The following KREMEN1 variants were observed in gnomAD, a reference collection of about 807,000 sequenced individuals.
KREMEN1 encodes the protein kremen protein 1.
In KREMEN1, 30 loss-of-function variants were observed where a neutral mutation model predicts 46.5. The observed-to-expected ratio is 0.65, with a 90% CI of 0.48 to 0.88. KREMEN1 has a LOEUF of 0.88. KREMEN1 is among the 40% of genes least tolerant of loss of function. The pLI, the probability that KREMEN1 is intolerant of heterozygous loss-of-function variation, is 0.00. For synonymous variants in KREMEN1, 214 were observed against 230.6 expected (o/e 0.93, Z 0.65); for missense variants, 533 against 596.9 (o/e 0.89, Z 1.11).
chr22:29,098,731 C>T (rs1044626426), intron 2 of KREMEN1, 131 bp from the exon 3 acceptor site: 4 of 667,212 alleles, frequency 6.0e-6, no homozygotes, highest in Admixed American at 2.5e-5. Context: ...TGAGAGATGG[C>T]ACTGAGATAC....
rs750903841 is a variant in KREMEN1 at position 29,138,623 on chromosome 22, G to A, written c.965-1G>A. 9 of 1,614,094 alleles carry A rather than the reference G, an allele frequency of 5.6e-6. No individual in the cohort carries two copies. Among genetic ancestry groups the A allele is most frequent in the Non-Finnish European group, 7.6e-6 (9 of 1,179,968 alleles). ...CCAGTTAATTGCTTTTTCTCTTCCAGCCGTCAAGGAAGAACTGCCACAGGA... is the reference window on the plus strand; with the variant it reads ...CCAGTTAATTGCTTTTTCTCTTCCAACCGTCAAGGAAGAACTGCCACAGGA... On this transcript the variant is annotated splice_acceptor_variant, in intron 6 of 8. Coordinates refer to ENST00000400335, the MANE Select transcript of KREMEN1 (RefSeq NM_001039570.3). LOFTEE classifies it high-confidence loss of function.
chr22:29,131,389 G>C (rs1462096540), intron 5 of KREMEN1, among the ~76,000 whole-genome samples: 1 of 149,906 alleles, frequency 6.7e-6, no homozygotes, highest in Admixed American at 6.7e-5. Flanking sequence ...TACTTCAGTG[G>C]GATTTGACAA....
chr22:29,138,547 A>G (rs537501488), intron 6 of KREMEN1, 77 bp from the exon 7 acceptor site: 1 of 1,408,852 alleles, frequency 7.1e-7, no homozygotes, highest in South Asian at 1.2e-5. Context: ...TCTTCTTCAT[A>G]ACTCGTGCTC....
At chr22:29,155,686 C>T (rs942533439) in intron 9 of KREMEN1, among the ~76,000 whole-genome samples, 25 of 152,172 alleles carry the variant, frequency 1.6e-4, no homozygotes, top group Admixed American at 3.9e-4. Context: ...AGGCTGGGCC[C>T]GGTGGCTCAC....
chr22:29,166,143 A>G (rs1308840267), intron 9 of KREMEN1, among the ~76,000 whole-genome samples: 1 of 152,048 alleles, frequency 6.6e-6, no homozygotes, highest in East Asian at 1.9e-4. Flanking sequence ...CACGCCCACC[A>G]TAACATGCAC....
At chr22:29,152,959 C>T (rs975813603) in intron 9 of KREMEN1, among the ~76,000 whole-genome samples, 5 of 152,150 alleles carry the variant, frequency 3.3e-5, no homozygotes, top group East Asian at 1.9e-4. Flanking sequence ...AGTAGACTTA[C>T]GGTTATTTCT....
At chr22:29,110,810 A>G (rs2038135291) in intron 3 of KREMEN1, among the ~76,000 whole-genome samples, 1 of 152,214 alleles carries the variant, frequency 6.6e-6, no homozygotes, top group South Asian at 2.1e-4. Flanking sequence ...CAGATTTGGA[A>G]CGGAAGTTGC....
intron 5 of KREMEN1, among the ~76,000 whole-genome samples, chr22:29,130,216 C>A (rs1208260529): frequency 2.0e-5 from 3 of 152,188 alleles, no homozygotes; most frequent in Non-Finnish European, 4.4e-5. Flanking sequence ...GTTCAGTAAT[C>A]TGCCCAAGGT....
intron 3 of KREMEN1, among the ~76,000 whole-genome samples, chr22:29,117,521 G>GGCAC: frequency 6.6e-6 from 1 of 151,600 alleles, no homozygotes; most frequent in African/African-American, 2.4e-5. Flanking sequence ...GAGCCAAGAT[G>GGCAC]GCACCACTGC....
intron 4 of KREMEN1, among the ~76,000 whole-genome samples, chr22:29,122,635 G>A (rs972569492): frequency 2.6e-5 from 4 of 151,990 alleles, no homozygotes; most frequent in African/African-American, 7.3e-5. Context: ...GCAATAAAAC[G>A]AAGAGACATA....
Position 29,073,999 on chromosome 22 carries a change from C to G in KREMEN1, c.97+772C>G, listed in dbSNP as rs914241390. 2.0e-4 allele frequency among the ~76,000 whole-genome samples: 30 copies of G among 152,232 alleles called. No homozygotes were observed. Among genetic ancestry groups the G allele is most frequent in the African/African-American group, 7.2e-4 (30 of 41,468 alleles). ...CCTCACTGCGACGCCCCCGCGTCCC[C>G]CAGTCCTCTCCTCCCGCCTACACCG... On this transcript the variant is annotated intron_variant, in intron 1 of 8. Coordinates refer to ENST00000400335, the MANE Select transcript of KREMEN1 (RefSeq NM_001039570.3). This position sits in a 1 kb window ranked among gnomAD's most constrained non-coding sequence, Gnocchi z 4.4.
At chr22:29,134,777 C>T (rs1161482765) in intron 5 of KREMEN1, among the ~76,000 whole-genome samples, 1 of 152,190 alleles carries the variant, frequency 6.6e-6, no homozygotes, top group African/African-American at 2.4e-5. Context: ...TGACGGGCTG[C>T]TATCAGCTTG....
chr22:29,138,199 A>G (rs1226503773), intron 6 of KREMEN1, among the ~76,000 whole-genome samples: 1 of 152,276 alleles, frequency 6.6e-6, no homozygotes. Flanking sequence ...TTTGTCCTGG[A>G]TAGCAAACCT....
chr22:29,145,269 C>G lies in KREMEN1; in HGVS notation c.*3157C>G. The G allele has an allele frequency of 1.0e-6, 1 of 985,516 alleles. No homozygotes were observed. Among genetic ancestry groups the G allele is most frequent in the Non-Finnish European group, 1.2e-6 (1 of 830,014 alleles). 61.0% of individuals were successfully genotyped at this position (985,516 alleles called of 1,614,324 possible). A position where few individuals can be genotyped will look rare whatever the true frequency, so the allele number is the denominator to read the frequency against. The stretch of plus-strand genomic sequence containing the variant: ...GAGATAAAGTGGGGGTTGGAGGTGG[C>G]GAAAAGAGGGTAACCCTGGGAAAGT... On this transcript the variant is annotated 3_prime_UTR_variant, in exon 9 of 9. Transcript: ENST00000400335.
intron 1 of KREMEN1, among the ~76,000 whole-genome samples, chr22:29,090,044 T>C (rs144536622): frequency 2.4e-3 from 369 of 152,358 alleles, no homozygotes; most frequent in African/African-American, 8.6e-3. Context: ...ATTATAAACA[T>C]GTAAGCTCCA....
chr22:29,128,486 T>C (rs972879705), intron 5 of KREMEN1, among the ~76,000 whole-genome samples: 2 of 152,186 alleles, frequency 1.3e-5, no homozygotes, highest in African/African-American at 4.8e-5. Context: ...GTATGTTTTC[T>C]TTAGTATAGT....
At chr22:29,157,527 G>C (rs1297291293) in intron 9 of KREMEN1, among the ~76,000 whole-genome samples, 3 of 152,114 alleles carry the variant, frequency 2.0e-5, no homozygotes, top group Non-Finnish European at 4.4e-5. Flanking sequence ...TAGTAGAAAT[G>C]GTGTTTCACC....
intron 4 of KREMEN1, among the ~76,000 whole-genome samples, chr22:29,124,118 T>C (rs565400847): frequency 2.0e-4 from 30 of 152,298 alleles, no homozygotes; most frequent in African/African-American, 7.2e-4. Context: ...TAAAAATCAG[T>C]ACACAAATGC....
chr22:29,144,098 C>G lies in KREMEN1; in HGVS notation c.*1986C>G, dbSNP rs757670032. The G allele has an allele frequency of 1.0e-6, 1 of 985,540 alleles. No individual in the cohort carries two copies. Among genetic ancestry groups the G allele is most frequent in the East Asian group, 1.1e-4 (1 of 8,812 alleles). 61.0% of individuals were successfully genotyped at this position (985,540 alleles called of 1,614,324 possible). Reference sequence around the variant, plus strand: ...CCTCTGCTGGCCAGGCCTAGGCCCTCGTCAGAGCGTGCCTCTCCACAAGGC... The same window carrying G: ...CCTCTGCTGGCCAGGCCTAGGCCCTGGTCAGAGCGTGCCTCTCCACAAGGC... On this transcript the variant is annotated 3_prime_UTR_variant, in exon 9 of 9. Coordinates refer to ENST00000400335, the MANE Select transcript of KREMEN1 (RefSeq NM_001039570.3).
Sources: allele counts gnomAD v4.1 joint callset (sites outside exome capture counted in the v4.1 genomes callset), GRCh38; gene constraint gnomAD v4.1.1; non-coding constraint Gnocchi (gnomAD v3.1); transcripts MANE v1.5; gene names NCBI Gene and HGNC (gene_info 2026-07-23, HGNC 2026-07-21).